The following SPNS2 variants were observed in gnomAD, a reference collection of about 807,000 sequenced individuals.
The protein encoded by SPNS2 is SPNS lysolipid transporter 2, sphingosine-1-phosphate.
SPNS2 carries 37 observed loss-of-function variants against 57.6 expected under a neutral mutation model. The ratio of observed to expected loss-of-function variants is 0.64; its 90% confidence interval spans 0.49 to 0.85. The LOEUF is 0.85. Ranked by LOEUF, SPNS2 falls within the 40% of genes least tolerant of loss-of-function variation. The pLI, the probability that SPNS2 is intolerant of heterozygous loss-of-function variation, is 0.00. For missense variants in SPNS2, 831 were observed against 779.1 expected (o/e 1.07, Z -0.79); for synonymous variants, 440 against 346.9 (o/e 1.27, Z -2.98).
chr17:4,504,211 C>T (rs1004962732), intron 1 of SPNS2, among the ~76,000 whole-genome samples: 3 of 152,302 alleles, frequency 2.0e-5, no homozygotes, highest in South Asian at 4.1e-4. Flanking sequence ...ACATCTGCAC[C>T]GTGGAGAAAC....
Position 4,538,973 on chromosome 17 carries a change from A to C in SPNS2, c.*1525A>C, listed in dbSNP as rs776463304. On this transcript the variant is annotated 3_prime_UTR_variant, in exon 13 of 13. Coordinates refer to ENST00000329078, the MANE Select transcript of SPNS2 (RefSeq NM_001124758.3). Reference sequence around the variant, plus strand: ...TAGAGCTGCTGATTGTGAATCTCAGAGTCTTAAGAGAGAAGCCAAATATAT... The same window carrying C: ...TAGAGCTGCTGATTGTGAATCTCAGCGTCTTAAGAGAGAAGCCAAATATAT... The C allele has an allele frequency of 2.5e-6, 2 of 790,634 alleles. No individual in the cohort carries two copies. Among genetic ancestry groups the C allele is most frequent in the Admixed American group, 3.4e-5 (2 of 59,014 alleles). The allele number at this position is 790,634 out of a possible 1,614,324, so 49.0% of individuals were successfully genotyped here. A position where few individuals can be genotyped will look rare whatever the true frequency, so the allele number is the denominator to read the frequency against.
At chr17:4,513,405 C>T (rs1904904564) in intron 2 of SPNS2, 93 bp downstream of exon 2, 3 of 1,375,466 alleles carry the variant, frequency 2.2e-6, no homozygotes, top group Non-Finnish European at 3.1e-6. Context: ...GGTCTGTCTT[C>T]CCCTGTCCTG....
At position 4,538,643 on chromosome 17, in the gene SPNS2, G is replaced by T. The variant is rs546294254; in HGVS notation, c.*1195G>T. 2 of 496,576 alleles carry T rather than the reference G, an allele frequency of 4.0e-6. No individual in the cohort carries two copies. The highest frequency in any genetic ancestry group is 2.3e-5 in the South Asian group (1 of 43,314). 30.8% of individuals were successfully genotyped at this position (496,576 alleles called of 1,614,324 possible). The stretch of plus-strand genomic sequence containing the variant: ...TTCTGGTGCGGGGGTGGGGTGGGGG[G>T]TGAGGCCTTGTGGCCAATGGGGGAC... On this transcript the variant is annotated 3_prime_UTR_variant, in exon 13 of 13. Coordinates refer to ENST00000329078, the MANE Select transcript of SPNS2 (RefSeq NM_001124758.3).
chr17:4,516,340 A>C (rs60166654), intron 2 of SPNS2, among the ~76,000 whole-genome samples: 6,958 of 64,088 alleles, frequency 0.11, 734 homozygotes, highest in East Asian at 0.42. Context: ...AAAAAAAAAA[A>C]AAACAAAAAA....
At chr17:4,536,514 G>A in intron 11 of SPNS2, 88 bp downstream of exon 11, 4 of 1,479,624 alleles carry the variant, frequency 2.7e-6, no homozygotes, top group Non-Finnish European at 3.6e-6. Context: ...GGGTGGGGCG[G>A]GGAGGGTACA....
intron 1 of SPNS2, among the ~76,000 whole-genome samples, chr17:4,505,877 C>T (rs913551686): frequency 2.0e-5 from 3 of 152,228 alleles, no homozygotes; most frequent in Non-Finnish European, 4.4e-5. Context: ...CCCACTCCCA[C>T]TCCTAGAGCC....
intron 1 of SPNS2, among the ~76,000 whole-genome samples, chr17:4,505,130 C>T (rs545777098): frequency 4.6e-5 from 7 of 152,302 alleles, no homozygotes; most frequent in Admixed American, 4.6e-4. Context: ...TGCTCTGCTC[C>T]GCCTCCATCA....
chr17:4,533,113 T>C lies in SPNS2; in HGVS notation c.1072T>C (p.Cys358Arg), dbSNP rs1307106107. ...AGCAGAGACGTGCAACAGCCCGCCC[T>C]GTGGGGCCAAGGACAGGTGGGGCCC... Reference protein sequence around the residue: ...KTAETCNSPPCGAKDSLIFGA... With the variant: ...KTAETCNSPPRGAKDSLIFGA... Residue 358 changes from cysteine (C) to arginine (R), a missense_variant, in exon 7 of 13, where the codon TGT becomes CGT. Around this residue, in one of 2 missense-constraint regions of SPNS2, gnomAD observed 526 missense variants for 400.9 expected, o/e 1.31. Coordinates refer to ENST00000329078, the MANE Select transcript of SPNS2 (RefSeq NM_001124758.3). 1 of 1,610,980 alleles carries C rather than the reference T, an allele frequency of 6.2e-7. No individual in the cohort carries two copies. Among genetic ancestry groups the C allele is most frequent in the Non-Finnish European group, 8.5e-7 (1 of 1,178,672 alleles).
chr17:4,535,979 G>A, intron 9 of SPNS2, 97 bp from the exon 10 acceptor site: 2 of 987,488 alleles, frequency 2.0e-6, no homozygotes, highest in Non-Finnish European at 1.5e-6. Context: ...GAGTGAGTCT[G>A]AGGGTGTGGG....
In SPNS2 at chr17:4,510,268, G is replaced by A. The variant is rs1904796519; in HGVS notation, c.371-2979G>A. On this transcript the variant is annotated intron_variant, in intron 1 of 12. Transcript: ENST00000329078. This position sits in a 1 kb window ranked among gnomAD's most constrained non-coding sequence, Gnocchi z 4.4. The stretch of plus-strand genomic sequence containing the variant: ...GTCTTCTTCCTGGAGCTTGGACTTG[G>A]ACCCAAGACTGGGCGCTGGGGAGTG... Among the ~76,000 whole-genome samples the A allele has an allele frequency of 6.6e-6, 1 of 152,218 alleles. No homozygotes were observed. Among genetic ancestry groups the A allele is most frequent in the African/African-American group, 2.4e-5 (1 of 41,452 alleles).
chr17:4,533,451 A>G lies in SPNS2; in HGVS notation c.1278+19A>G, dbSNP rs1257513996. ...AGCCTATGTGAGTGCAGCGGGGGTCAAGGGTGCTGGGGGAGCTGGGCCTGG... is the reference window on the plus strand; with the variant it reads ...AGCCTATGTGAGTGCAGCGGGGGTCGAGGGTGCTGGGGGAGCTGGGCCTGG... On this transcript the variant is annotated intron_variant, in intron 8 of 12. Coordinates refer to ENST00000329078, the MANE Select transcript of SPNS2 (RefSeq NM_001124758.3). 7.0e-6 allele frequency: 11 copies of G among 1,577,228 alleles called. No individual in the cohort carries two copies. Among genetic ancestry groups the G allele is most frequent in the Non-Finnish European group, 9.5e-6 (11 of 1,160,952 alleles).
intron 11 of SPNS2, 55 bp downstream of exon 11, chr17:4,536,481 T>TAA: frequency 6.4e-7 from 1 of 1,556,154 alleles, no homozygotes; most frequent in Non-Finnish European, 8.7e-7. Context: ...GGGACCGTGA[T>TAA]AGCCACCGTG....
At chr17:4,502,722 G>A (rs573949923) in intron 1 of SPNS2, among the ~76,000 whole-genome samples, 3 of 152,136 alleles carry the variant, frequency 2.0e-5, no homozygotes, top group Non-Finnish European at 4.4e-5. Context: ...TTCCTAGGAG[G>A]GCTTCACGAG....
At chr17:4,532,385 G>C (rs1020765602) in intron 5 of SPNS2, among the ~76,000 whole-genome samples, 157 bp from the exon 6 acceptor site, 6 of 152,160 alleles carry the variant, frequency 3.9e-5, no homozygotes, top group African/African-American at 1.4e-4. Context: ...CTCAGCCCCA[G>C]CTTTTCTCAG....
chr17:4,533,861 AG>A lies in SPNS2; in HGVS notation c.1344+10del. On this transcript the variant is annotated intron_variant, in intron 9 of 12. Coordinates refer to ENST00000329078, the MANE Select transcript of SPNS2 (RefSeq NM_001124758.3). ...ACTGCAGACATCCTCATGGTGAGCC[AG>A]GCAGGCCGAGGTCACCTTGTGCTGC... 6.4e-7 allele frequency: 1 copy of A among 1,551,800 alleles called. No individual in the cohort carries two copies. The highest frequency in any genetic ancestry group is 1.3e-5 in the African/African-American group (1 of 74,126).
At chr17:4,524,214 G>A (rs552178719) in intron 2 of SPNS2, among the ~76,000 whole-genome samples, 2 of 152,314 alleles carry the variant, frequency 1.3e-5, no homozygotes, top group East Asian at 3.9e-4. Flanking sequence ...AAGGGGTGCA[G>A]TGTGGTAAAG....
intron 2 of SPNS2, among the ~76,000 whole-genome samples, chr17:4,524,091 C>T (rs1666943123): frequency 1.3e-5 from 2 of 152,174 alleles, no homozygotes; most frequent in Admixed American, 6.5e-5. Context: ...GTGAGGGCAG[C>T]TGTGTGGTCT....
In SPNS2 at chr17:4,536,397, C is replaced by A. The variant is rs760517134; in HGVS notation, c.1578C>A (p.Phe526Leu). The A allele has an allele frequency of 1.9e-6, 3 of 1,604,940 alleles. No homozygotes were observed. Among genetic ancestry groups the A allele is most frequent in the South Asian group, 1.1e-5 (1 of 91,068 alleles). The change falls in exon 11 of 13, where the codon TTC becomes TTA. Residue 526 changes from phenylalanine (F) to leucine (L), a missense_variant. Physicochemically the swap from Phe to Leu is conservative, Grantham distance 22. Coordinates refer to ENST00000329078, the MANE Select transcript of SPNS2 (RefSeq NM_001124758.3). ...TCTTCCTCGCCACTGCGCTCTTCTT[C>A]GTCAGCGACCGCGCCAGGGCTGAGC... is the stretch of plus-strand genomic sequence containing the variant. ...GMFFLATALF[F>L]VSDRARAEQQ...
In SPNS2 at chr17:4,536,655, C is replaced by T; in HGVS notation, c.1607+229C>T. On this transcript the variant is annotated intron_variant, in intron 11 of 12. Coordinates refer to ENST00000329078, the MANE Select transcript of SPNS2 (RefSeq NM_001124758.3). ...ATCCAGACTTGGGTTTGTCTCTGGA[C>T]TTAGTGGTTTTCAAAGCTGGGGCCC... The T allele has an allele frequency of 6.0e-6, 4 of 671,160 alleles. No individual in the cohort carries two copies. In the South Asian group the frequency reaches 7.6e-5, roughly 13 times the overall value. The allele number at this position is 671,160 out of a possible 1,614,324, so 41.6% of individuals were successfully genotyped here. A position where few individuals can be genotyped will look rare whatever the true frequency, so the allele number is the denominator to read the frequency against.
Sources: gnomAD v4.1 joint callset for allele counts (sites outside exome capture counted in the v4.1 genomes callset) on GRCh38, gnomAD v4.1.1 for gene constraint, gnomAD v4.1.1 regional missense constraint, Gnocchi (gnomAD v3.1) non-coding constraint, MANE v1.5 for transcripts, NCBI Gene and HGNC (gene_info 2026-07-23, HGNC 2026-07-21) for gene names.